SLC15A5: variants seen among roughly 807,000 people sequenced by gnomAD.
The protein encoded by SLC15A5 is solute carrier family 15 member 5, also known as Peptide/histidine transporter ENSP00000340402.
In SLC15A5, 58 loss-of-function variants were observed where a neutral mutation model predicts 56.1. That is an observed-to-expected ratio of 1.03 (90% CI 0.84 to 1.29). SLC15A5 has a LOEUF of 1.29. Among genes scored for constraint, SLC15A5 ranks in the 50% most tolerant of loss-of-function variants. The pLI is 0.00. For missense variants in SLC15A5, 681 were observed against 672.1 expected, an observed-to-expected ratio of 1.01 and a Z score of -0.15; for synonymous variants, 264 against 250.5, an observed-to-expected ratio of 1.05 and a Z score of -0.51.
At chr12:16,232,312 A>G (rs1864306762) in intron 5 of SLC15A5, among the ~76,000 whole-genome samples, 1 of 152,200 alleles carries the variant, frequency 6.6e-6, no homozygotes, top group African/African-American at 2.4e-5. Flanking sequence ...AGGCAATAAC[A>G]ATAAAAATCA....
intron 7 of SLC15A5, among the ~76,000 whole-genome samples, chr12:16,204,726 G>T (rs941991235): frequency 1.3e-5 from 2 of 151,974 alleles, no homozygotes; most frequent in South Asian, 4.1e-4. Flanking sequence ...TTCACTTACT[G>T]TATGGTTGTG....
Position 16,243,819 on chromosome 12 carries a change from A to G in SLC15A5, c.975+761T>C, listed in dbSNP as rs981220623. On this transcript the variant is annotated intron_variant, in intron 4 of 8. Transcript: ENST00000344941. This position sits in a 1 kb window ranked among gnomAD's most constrained non-coding sequence, Gnocchi z 4.4. ...GTTTAACAAATAAAGTAGTTTATGA[A>G]GTTAATCTCTAAATTTTGTTGCAGC... 7.2e-5 allele frequency among the ~76,000 whole-genome samples: 11 copies of G among 152,176 alleles called. No homozygotes were observed. The highest frequency in any genetic ancestry group is 2.4e-4 in the African/African-American group (10 of 41,460).
chr12:16,199,074 T>C (rs1863923874), intron 7 of SLC15A5, among the ~76,000 whole-genome samples: 1 of 151,936 alleles, frequency 6.6e-6, no homozygotes, highest in Admixed American at 6.6e-5. Flanking sequence ...TTCACTTCCC[T>C]GCTAGCTCTC....
At chr12:16,217,147 G>A (rs777318973) in intron 6 of SLC15A5, 123 bp from the exon 7 acceptor site, 424 of 1,057,402 alleles carry the variant, frequency 4.0e-4, no homozygotes, top group Middle Eastern at 6.3e-4. Flanking sequence ...AATTTGGGTT[G>A]GACTTTGTTA....
At chr12:16,198,588 T>C (rs1863918744) in intron 7 of SLC15A5, among the ~76,000 whole-genome samples, 1 of 152,134 alleles carries the variant, frequency 6.6e-6, no homozygotes, top group Non-Finnish European at 1.5e-5. Flanking sequence ...TTTATGACTT[T>C]CTTTAACATC....
At position 16,239,544 on chromosome 12, in the gene SLC15A5, C is replaced by T; in HGVS notation, c.1162+137G>A. 5 of 804,906 alleles carry T rather than the reference C, an allele frequency of 6.2e-6. No individual in the cohort carries two copies. The South Asian group carries it at 7.8e-5, about 13-fold the overall frequency. The allele number at this position is 804,906 out of a possible 1,614,324, so 49.9% of individuals were successfully genotyped here. The stretch of plus-strand genomic sequence containing the variant: ...AGAGATTTCGGAAGATGGGTGTTAT[C>T]AGTCACAAATTCACCTGTTTTCCAT... On this transcript the variant is annotated intron_variant, in intron 5 of 8. Coordinates refer to ENST00000344941, the MANE Select transcript of SLC15A5 (RefSeq NM_001170798.1).
rs1163251840 is a variant in SLC15A5, at chr12:16,224,559, G to A, written c.1206C>T (p.Gly402=). 3 of 1,536,886 alleles carry A rather than the reference G, an allele frequency of 2.0e-6. No homozygotes were observed. The highest frequency in any genetic ancestry group is 1.4e-5 in the African/African-American group (1 of 72,994). The stretch of plus-strand genomic sequence containing the variant: ...AATGTTTTCGGTGTATTTCAAAGAA[G>A]CCAGCTATCATCACAGACAATGCAG... ...LFAALSVMIA[G]FFEIHRKHFP... The change falls in exon 6 of 9, where the codon GGC becomes GGT. Residue 402 remains glycine (G), a synonymous_variant. Coordinates refer to ENST00000344941, the MANE Select transcript of SLC15A5 (RefSeq NM_001170798.1).
At chr12:16,249,078 C>T (rs927856895) in intron 3 of SLC15A5, among the ~76,000 whole-genome samples, 2 of 151,940 alleles carry the variant, frequency 1.3e-5, no homozygotes, top group Non-Finnish European at 2.9e-5. Context: ...TCATGAATAT[C>T]TATGCTACTT....
chr12:16,230,178 T>C (rs1210075188), intron 5 of SLC15A5, among the ~76,000 whole-genome samples: 1 of 152,184 alleles, frequency 6.6e-6, no homozygotes, highest in East Asian at 1.9e-4. Flanking sequence ...ATGTTTAGAA[T>C]ACGGAGAATA....
At chr12:16,206,449 A>G (rs1864020314) in intron 7 of SLC15A5, among the ~76,000 whole-genome samples, 1 of 152,196 alleles carries the variant, frequency 6.6e-6, no homozygotes, top group Non-Finnish European at 1.5e-5. Context: ...AATTTTTAAA[A>G]CACATTAATT....
At chr12:16,239,969 G>T in intron 4 of SLC15A5, 102 bp from the exon 5 acceptor site, 1 of 1,025,952 alleles carries the variant, frequency 9.7e-7, no homozygotes, top group Non-Finnish European at 1.4e-6. Flanking sequence ...CTCTGTGATG[G>T]ATGAGCTGGA....
At position 16,272,789 on chromosome 12, in the gene SLC15A5, G is replaced by T; in HGVS notation, c.362-6C>A. On this transcript the variant is annotated splice_region_variant and splice_polypyrimidine_tract_variant and intron_variant, in intron 1 of 8. Coordinates refer to ENST00000344941, the MANE Select transcript of SLC15A5 (RefSeq NM_001170798.1). ...CACAGATAACAAAGCAGTGCCTGTA[G>T]GTGGAGAAAAAAAAAGAGTAAATGT... 1 of 1,534,860 alleles carries T rather than the reference G, an allele frequency of 6.5e-7. No homozygotes were observed. Among genetic ancestry groups the T allele is most frequent in the Non-Finnish European group, 8.7e-7 (1 of 1,145,312 alleles).
intron 7 of SLC15A5, among the ~76,000 whole-genome samples, chr12:16,207,780 A>G (rs1864035268): frequency 6.6e-6 from 1 of 151,822 alleles, no homozygotes; most frequent in Non-Finnish European, 1.5e-5. Flanking sequence ...CATCCTCCCA[A>G]GTAGCAGGGA....
chr12:16,271,955 A>G lies in SLC15A5; in HGVS notation c.584+606T>C, dbSNP rs1182557450. On this transcript the variant is annotated intron_variant, in intron 2 of 8. Coordinates refer to ENST00000344941, the MANE Select transcript of SLC15A5 (RefSeq NM_001170798.1). This position sits in a 1 kb window ranked among gnomAD's most constrained non-coding sequence, Gnocchi z 8.0. The stretch of plus-strand genomic sequence containing the variant: ...TGGGAGCGAACTGGGTGAGAAACAG[A>G]GATGCTGGGTGATGCTTTAACAAAT... 6.6e-6 allele frequency among the ~76,000 whole-genome samples: 1 copy of G among 152,200 alleles called. No individual in the cohort carries two copies. The highest frequency in any genetic ancestry group is 2.4e-5 in the African/African-American group (1 of 41,456).
At chr12:16,249,424 A>G (rs1424628696) in intron 3 of SLC15A5, among the ~76,000 whole-genome samples, 2 of 152,094 alleles carry the variant, frequency 1.3e-5, no homozygotes, top group African/African-American at 4.8e-5. Flanking sequence ...TAGTTGGGTG[A>G]GCTTAGAAAT....
At chr12:16,273,854 A>G (rs1864789010) in intron 1 of SLC15A5, among the ~76,000 whole-genome samples, 2 of 150,524 alleles carry the variant, frequency 1.3e-5, no homozygotes, top group Admixed American at 1.3e-4. Context: ...AAAGGCCCAT[A>G]ATCTCATTAC....
At chr12:16,256,814 G>A (rs1591657749) in intron 3 of SLC15A5, among the ~76,000 whole-genome samples, 1 of 151,026 alleles carries the variant, frequency 6.6e-6, no homozygotes, top group African/African-American at 2.4e-5. Context: ...AGCGGACATC[G>A]CACCACTGCA....
At chr12:16,247,374 T>C (rs905651307) in intron 3 of SLC15A5, among the ~76,000 whole-genome samples, 3 of 152,184 alleles carry the variant, frequency 2.0e-5, no homozygotes, top group African/African-American at 7.2e-5. Context: ...CATTGATTTA[T>C]TCCACGTACT....
chr12:16,273,512 C>T (rs531970763), intron 1 of SLC15A5, among the ~76,000 whole-genome samples: 2 of 152,190 alleles, frequency 1.3e-5, no homozygotes, highest in East Asian at 3.9e-4. Flanking sequence ...AATAACTATA[C>T]AATTCCATGC....
Sources: allele counts gnomAD v4.1 joint callset (sites outside exome capture counted in the v4.1 genomes callset), GRCh38; gene constraint gnomAD v4.1.1; non-coding constraint Gnocchi (gnomAD v3.1); transcripts MANE v1.5; gene names NCBI Gene and HGNC (gene_info 2026-07-23, HGNC 2026-07-21).